Variants in SLC2A13 observed in about 807,000 individuals in gnomAD.
The protein encoded by SLC2A13 is solute carrier family 2 member 13.
A neutral mutation model predicts 64.4 loss-of-function variants in SLC2A13; 32 were observed. The ratio of observed to expected loss-of-function variants is 0.50; its 90% CI spans 0.37 to 0.67. SLC2A13 has a LOEUF of 0.67. SLC2A13 is among the 30% of genes least tolerant of loss of function. The probability of loss-of-function intolerance (pLI) is 0.00; values close to 1 mark genes in which losing one functional copy is unlikely to be tolerated. For missense variants in SLC2A13, 743 were observed against 829.2 expected, an observed-to-expected ratio of 0.90 and a Z score of 1.28; for synonymous variants, 338 against 327.1, an observed-to-expected ratio of 1.03 and a Z score of -0.36.
At chr12:40,033,590 G>A (rs150231577) in intron 2 of SLC2A13, among the ~76,000 whole-genome samples, 12 of 152,256 alleles carry the variant, frequency 7.9e-5, no homozygotes, top group African/African-American at 2.9e-4. Flanking sequence ...AACTCCCTAA[G>A]AGCATTACTG....
At chr12:39,776,238 G>A (rs1186880240) in intron 7 of SLC2A13, among the ~76,000 whole-genome samples, 1 of 146,170 alleles carries the variant, frequency 6.8e-6, no homozygotes, top group Non-Finnish European at 1.5e-5. Flanking sequence ...TTGACCAAAG[G>A]CCTCAAAATG....
At chr12:40,020,640 C>T (rs1035367443) in intron 3 of SLC2A13, among the ~76,000 whole-genome samples, 1 of 152,030 alleles carries the variant, frequency 6.6e-6, no homozygotes, top group Non-Finnish European at 1.5e-5. Flanking sequence ...ACTAAAATGT[C>T]CCAACACTAA....
At chr12:39,872,071 G>A (rs1944071214) in intron 4 of SLC2A13, 110 bp from the exon 5 acceptor site, 1 of 815,960 alleles carries the variant, frequency 1.2e-6, no homozygotes, top group East Asian at 3.2e-5. Flanking sequence ...GAGAACTACA[G>A]TAATAACATC....
chr12:39,902,597 A>G (rs972279323), intron 4 of SLC2A13, among the ~76,000 whole-genome samples: 2 of 152,126 alleles, frequency 1.3e-5, no homozygotes, highest in Admixed American at 1.3e-4. Context: ...TCTTGTCCTC[A>G]CAAAAGTGAA....
At chr12:39,922,343 G>A (rs1042318895) in intron 4 of SLC2A13, among the ~76,000 whole-genome samples, 14 of 152,108 alleles carry the variant, frequency 9.2e-5, no homozygotes, top group African/African-American at 2.7e-4. Context: ...GTCTCCTAGG[G>A]TGAGCATATG....
chr12:39,773,473 C>T (rs1055746622), intron 7 of SLC2A13, among the ~76,000 whole-genome samples: 8 of 152,202 alleles, frequency 5.3e-5, no homozygotes, highest in Admixed American at 2.6e-4. Flanking sequence ...CCCCTGCCCA[C>T]TCAACACCCA....
intron 4 of SLC2A13, among the ~76,000 whole-genome samples, chr12:39,911,318 A>C (rs1358202030): frequency 6.6e-6 from 1 of 152,060 alleles, no homozygotes; most frequent in Non-Finnish European, 1.5e-5. Flanking sequence ...AATACCACCA[A>C]TGTCTTTTTC....
chr12:39,962,836 G>A (rs1360457288), intron 3 of SLC2A13, among the ~76,000 whole-genome samples: 4 of 152,130 alleles, frequency 2.6e-5, no homozygotes, highest in African/African-American at 9.7e-5. Context: ...GCTGTGTGAT[G>A]TTGTGCAGGT....
intron 7 of SLC2A13, among the ~76,000 whole-genome samples, chr12:39,787,885 T>C (rs1367439809): frequency 1.3e-5 from 2 of 152,174 alleles, no homozygotes; most frequent in Non-Finnish European, 2.9e-5. Context: ...GAATCCATCA[T>C]GTAAAGAGTG....
At position 39,804,956 on chromosome 12, in the gene SLC2A13, C is replaced by T. The variant is rs537144190; in HGVS notation, c.1445+25147G>A. Among the ~76,000 whole-genome samples the T allele has an allele frequency of 3.9e-5, 5 of 127,290 alleles. No individual in the cohort carries two copies. In the East Asian group the frequency reaches 1.3e-3, roughly 34 times the overall value. 83.5% of individuals were successfully genotyped at this position (127,290 alleles called of 152,430 possible). ...AAAACACTCTGCAGATACCTGAAGACTTTGGCACTTGCTTGGAAAGTGCCA... is the reference window on the plus strand; with the variant it reads ...AAAACACTCTGCAGATACCTGAAGATTTTGGCACTTGCTTGGAAAGTGCCA... On this transcript the variant is annotated intron_variant, in intron 7 of 9. Transcript: ENST00000280871.
chr12:39,906,795 G>A lies in SLC2A13; in HGVS notation c.1035-34834C>T, dbSNP rs183088046. The stretch of plus-strand genomic sequence containing the variant: ...CTTCTACGATTATTTTAAATTGAAC[G>A]TTGATAAAGTGGAGATGGTGACAGT... On this transcript the variant is annotated intron_variant, in intron 4 of 9. Transcript: ENST00000280871. Among the ~76,000 whole-genome samples, 73 of 152,220 alleles carry A rather than the reference G, an allele frequency of 4.8e-4. 1 individual carries two copies. The highest frequency in any genetic ancestry group is 4.1e-3 in the East Asian group (21 of 5,178).
At chr12:39,864,572 T>C (rs1264682489) in intron 6 of SLC2A13, among the ~76,000 whole-genome samples, 190 bp downstream of exon 6, 1 of 152,122 alleles carries the variant, frequency 6.6e-6, no homozygotes, top group Non-Finnish European at 1.5e-5. Flanking sequence ...TTCCTTACAC[T>C]CACACATCTG....
At chr12:39,940,183 G>C (rs1327703396) in intron 4 of SLC2A13, among the ~76,000 whole-genome samples, 2 of 152,134 alleles carry the variant, frequency 1.3e-5, no homozygotes, top group African/African-American at 4.8e-5. Flanking sequence ...TTTTGGACTA[G>C]GGAGGCAGAG....
intron 7 of SLC2A13, chr12:39,819,825 T>C (rs1942441997): frequency 6.5e-6 from 1 of 154,558 alleles, no homozygotes; most frequent in Non-Finnish European, 1.5e-5. Context: ...CAGACATTGC[T>C]CTAGCACAAA....
chr12:39,778,576 T>C (rs889879386), intron 7 of SLC2A13, among the ~76,000 whole-genome samples: 2 of 152,218 alleles, frequency 1.3e-5, no homozygotes, highest in African/African-American at 2.4e-5. Flanking sequence ...GTTATTTTGG[T>C]TTAAAAATGG....
In SLC2A13 at chr12:39,938,686, C is replaced by CT. The variant is rs57069142; in HGVS notation, c.1034+12570dup. Among the ~76,000 whole-genome samples, 1,229 of 145,752 alleles carry CT rather than the reference C, an allele frequency of 8.4e-3. 18 individuals carry two copies. The highest frequency in any genetic ancestry group is 0.023 in the African/African-American group (913 of 39,634). ...CACATGGTTAGCCAGGGATCATTGA[C>CT]TTTTTTTTTTTTTTTACTAAAAATG... is the stretch of plus-strand genomic sequence containing the variant. On this transcript the variant is annotated intron_variant, in intron 4 of 9. Transcript: ENST00000280871.
At chr12:39,869,467 G>C in intron 5 of SLC2A13, among the ~76,000 whole-genome samples, 1 of 152,126 alleles carries the variant, frequency 6.6e-6, no homozygotes, top group Non-Finnish European at 1.5e-5. Flanking sequence ...ACTTGAATTG[G>C]CCACATAATA....
At chr12:39,916,420 A>G (rs1945522268) in intron 4 of SLC2A13, among the ~76,000 whole-genome samples, 1 of 152,032 alleles carries the variant, frequency 6.6e-6, no homozygotes, top group South Asian at 2.1e-4. Context: ...GTCAAAACTA[A>G]TTTCCTTCTA....
chr12:39,995,499 C>T (rs1341945025), intron 3 of SLC2A13, among the ~76,000 whole-genome samples: 1 of 152,138 alleles, frequency 6.6e-6, no homozygotes, highest in East Asian at 1.9e-4. Context: ...AGAACATGTG[C>T]ATGTCACTTA....
Sources: allele counts gnomAD v4.1 joint callset (sites outside exome capture counted in the v4.1 genomes callset), GRCh38; gene constraint gnomAD v4.1.1; transcripts MANE v1.5; gene names NCBI Gene and HGNC (gene_info 2026-07-23, HGNC 2026-07-21).